The following DOP1A variants were observed in gnomAD, a reference collection of about 807,000 sequenced individuals.
DOP1A encodes DOP1 leucine zipper like protein A.
Under a neutral mutation model 267.6 loss-of-function variants are expected in DOP1A, and 90 were observed. The ratio of observed to expected loss-of-function variants is 0.34; its 90% CI spans 0.28 to 0.40. DOP1A has a LOEUF of 0.40. Among genes scored for constraint, DOP1A ranks in the 10% least tolerant of loss-of-function variants. The pLI is 1.00. For synonymous variants in DOP1A, 932 were observed against 999.1 expected (o/e 0.93, Z 1.27); for missense variants, 2,437 against 2,900.4 (o/e 0.84, Z 3.67).
chr6:83,110,426 C>T (rs1040200165), intron 6 of DOP1A, 112 bp downstream of exon 6: 16 of 1,097,406 alleles, frequency 1.5e-5, no homozygotes, highest in Non-Finnish European at 2.5e-6. Context: ...TTTCATCGAG[C>T]TTACATTTAT....
At position 83,122,911 on chromosome 6, in the gene DOP1A, C is replaced by G; in HGVS notation, c.1269C>G (p.Asn423Lys). 1 of 1,570,256 alleles carries G rather than the reference C, an allele frequency of 6.4e-7. No individual in the cohort carries two copies. The highest frequency in any genetic ancestry group is 8.6e-7 in the Non-Finnish European group (1 of 1,161,566). ...CAGCAGAGCTGATTAAAACTGCTAA[C>G]CTTCTCTTTAATTCCTTCGAACCTT... is the stretch of plus-strand genomic sequence containing the variant. ...KKTAELIKTA[N>K]LLFNSFEPYY... Residue 423 changes from asparagine to lysine, a missense_variant, in exon 12 of 39, where the codon AAC becomes AAG. By Grantham distance (94) the Asn-to-Lys change is moderately conservative. This residue lies in a region of DOP1A where 498 missense variants were observed against 513.5 expected (regional missense o/e 0.97). Transcript: ENST00000349129.
chr6:83,123,797 T>A (rs1259519707), intron 12 of DOP1A, among the ~76,000 whole-genome samples: 5 of 152,066 alleles, frequency 3.3e-5, no homozygotes. Context: ...AATGTCTTAA[T>A]AGATTAAAAT....
At chr6:83,071,642 G>A (rs1029111909) in intron 1 of DOP1A, among the ~76,000 whole-genome samples, 6 of 152,060 alleles carry the variant, frequency 3.9e-5, no homozygotes, top group Middle Eastern at 3.2e-3. Flanking sequence ...AATTTTATCT[G>A]TGCAATAATT....
Position 83,078,720 on chromosome 6 carries a change from A to C in DOP1A, c.-147+10941A>C, listed in dbSNP as rs1472873461. On this transcript the variant is annotated intron_variant, in intron 1 of 38. Coordinates refer to ENST00000349129, the MANE Select transcript of DOP1A (RefSeq NM_015018.4). ...GGAAAGTGAGGAGAGGTGTAGTAAC[A>C]GTTTATGGTTTATCAGTATTTTGGA... is the stretch of plus-strand genomic sequence containing the variant. Among the ~76,000 whole-genome samples, 3 of 152,178 alleles carry C rather than the reference A, an allele frequency of 2.0e-5. No individual in the cohort carries two copies. In the East Asian group the frequency reaches 5.8e-4, roughly 29 times the overall value.
chr6:83,163,159 C>CTT (rs1196165247), intron 38 of DOP1A, among the ~76,000 whole-genome samples: 4 of 151,944 alleles, frequency 2.6e-5, no homozygotes, highest in African/African-American at 9.7e-5. Flanking sequence ...AAAAGGAAGG[C>CTT]TTTTGTACAT....
intron 19 of DOP1A, among the ~76,000 whole-genome samples, chr6:83,135,091 A>C (rs1778669149): frequency 6.6e-6 from 1 of 152,100 alleles, no homozygotes; most frequent in Admixed American, 6.6e-5. Context: ...CAAGTGAGGG[A>C]ATAGAGGTCA....
chr6:83,168,462 T>A lies in DOP1A; in HGVS notation c.*295T>A. 4 of 1,049,026 alleles carry A rather than the reference T, an allele frequency of 3.8e-6. No individual in the cohort carries two copies. Among genetic ancestry groups the A allele is most frequent in the Non-Finnish European group, 4.6e-6 (4 of 871,214 alleles). The allele number at this position is 1,049,026 out of a possible 1,614,324, so 65.0% of individuals were successfully genotyped here. A position where few individuals can be genotyped will look rare whatever the true frequency, so the allele number is the denominator to read the frequency against. On this transcript the variant is annotated 3_prime_UTR_variant, in exon 39 of 39. Transcript: ENST00000349129. ...AACCTGCAAAATATACACTACCCATTTTTTTTTTCCATTGGTTTCAGACTT... is the reference window on the plus strand; with the variant it reads ...AACCTGCAAAATATACACTACCCATATTTTTTTTCCATTGGTTTCAGACTT...
Position 83,168,460 on chromosome 6 carries a change from A to AT in DOP1A, c.*303dup, listed in dbSNP as rs916360339. 3.8e-3 allele frequency: 3,502 copies of AT among 924,374 alleles called. No individual in the cohort carries two copies. Among genetic ancestry groups the AT allele is most frequent in the East Asian group, 9.3e-3 (120 of 12,896 alleles). 57.3% of individuals were successfully genotyped at this position (924,374 alleles called of 1,614,324 possible). A position where few individuals can be genotyped will look rare whatever the true frequency, so the allele number is the denominator to read the frequency against. On this transcript the variant is annotated 3_prime_UTR_variant, in exon 39 of 39. Transcript: ENST00000349129. Reference sequence around the variant, plus strand: ...TAAACCTGCAAAATATACACTACCCATTTTTTTTTTCCATTGGTTTCAGAC... The same window carrying AT: ...TAAACCTGCAAAATATACACTACCCATTTTTTTTTTTCCATTGGTTTCAGAC...
rs1777619762 is a variant in DOP1A, at chr6:83,128,960, C to T, written c.1793C>T (p.Ser598Leu). 8.2e-6 allele frequency: 13 copies of T among 1,591,966 alleles called. No homozygotes were observed. The highest frequency in any genetic ancestry group is 1.1e-5 in the Non-Finnish European group (13 of 1,168,052). The change falls in exon 16 of 39, where the codon TCA becomes TTA. Residue 598 changes from serine to leucine, a missense_variant. Transcript: ENST00000349129. ...GAAAATCCACCAAGTAGTCGATCAT[C>T]AGAGAGTGGATTCACTGAGTTTATA... ...DGENPPSSRS[S>L]ESGFTEFIQY...
At position 83,122,044 on chromosome 6, in the gene DOP1A, T is replaced by C; in HGVS notation, c.1214T>C (p.Leu405Ser). Reference sequence around the variant, plus strand: ...CCCTTCAGCAAGGATCATGCTCAGTTAAGCAGGTGGATTATCAAAAAATTA... The same window carrying C: ...CCCTTCAGCAAGGATCATGCTCAGTCAAGCAGGTGGATTATCAAAAAATTA... ...EPPFSKDHAQ[L>S]SSKLRENKKT... is the part of the protein sequence containing the mutation. Residue 405 changes from leucine to serine, a missense_variant, in exon 11 of 39, where the codon TTA (leucine) becomes TCA (serine). By Grantham distance (145) the Leu-to-Ser change is moderately radical. Coordinates refer to ENST00000349129, the MANE Select transcript of DOP1A (RefSeq NM_015018.4). The C allele has an allele frequency of 6.2e-7, 1 of 1,609,920 alleles. No individual in the cohort carries two copies. The highest frequency in any genetic ancestry group is 1.1e-5 in the South Asian group (1 of 90,526).
At chr6:83,103,985 A>G (rs897254263) in intron 4 of DOP1A, among the ~76,000 whole-genome samples, 4 of 152,168 alleles carry the variant, frequency 2.6e-5, no homozygotes, top group Non-Finnish European at 5.9e-5. Context: ...TCTTTGAAGA[A>G]CCAAAAGTTC....
At chr6:83,170,782 C>T (rs1449387762), downstream of DOP1A, 3 of 221,802 alleles carry the variant, frequency 1.4e-5, no homozygotes, top group Admixed American at 1.6e-4. Flanking sequence ...AAGTGGTAGC[C>T]CATTATATAA....
intron 16 of DOP1A, 45 bp from the exon 17 acceptor site, chr6:83,130,078 A>G (rs1360655225): frequency 3.2e-6 from 5 of 1,580,946 alleles, no homozygotes; most frequent in Non-Finnish European, 4.3e-6. Context: ...TGTGTGTGAA[A>G]TGTTTAGTAT....
intron 30 of DOP1A, among the ~76,000 whole-genome samples, chr6:83,152,571 T>A (rs942593388): frequency 1.3e-5 from 2 of 151,970 alleles, no homozygotes; most frequent in Non-Finnish European, 2.9e-5. Flanking sequence ...ATTTAGATAC[T>A]GCTTCCCTTC....
chr6:83,134,210 C>T lies in DOP1A; in HGVS notation c.2793C>T (p.Ala931=). ...AGAAAATAAGGATGGAAGCACATGC[C>T]AAGTTTGCAGTTCTTTGGCATCTAA... ...KDKKIRMEAH[A]KFAVLWHLTR... Residue 931 remains alanine (A), a synonymous_variant, in exon 19 of 39, where the codon GCC becomes GCT. Transcript: ENST00000349129. The T allele has an allele frequency of 6.2e-7, 1 of 1,612,466 alleles. No individual in the cohort carries two copies.
chr6:83,138,050 C>T lies in DOP1A; in HGVS notation c.4008C>T (p.Ser1336=), dbSNP rs1779112836. The change falls in exon 21 of 39, where the codon AGC becomes AGT. Residue 1336 remains serine, a synonymous_variant. Coordinates refer to ENST00000349129, the MANE Select transcript of DOP1A (RefSeq NM_015018.4). ...SDGLDLENWY[S]CGEGDISEIE... Reference sequence around the variant, plus strand: ...GTCTGGATTTAGAGAACTGGTATAGCTGTGGAGAGGGAGACATTTCTGAAA... The same window carrying T: ...GTCTGGATTTAGAGAACTGGTATAGTTGTGGAGAGGGAGACATTTCTGAAA... 44 of 1,612,928 alleles carry T rather than the reference C, an allele frequency of 2.7e-5. No homozygotes were observed. The highest frequency in any genetic ancestry group is 3.6e-5 in the Non-Finnish European group (43 of 1,179,544).
intron 2 of DOP1A, 44 bp downstream of exon 2, chr6:83,096,867 C>T (rs1422860774): frequency 7.8e-7 from 1 of 1,277,620 alleles, no homozygotes; most frequent in Non-Finnish European, 1.1e-6. Context: ...GTAGTAAGAT[C>T]ATATGAACCC....
chr6:83,151,796 A>G (rs1256360591), intron 28 of DOP1A, 87 bp from the exon 29 acceptor site: 13 of 1,454,846 alleles, frequency 8.9e-6, no homozygotes, highest in Non-Finnish European at 1.2e-5. Context: ...ATTGTAAAAT[A>G]TCTATTATCA....
Position 83,137,553 on chromosome 6 carries a change from G to C in DOP1A, c.3511G>C (p.Val1171Leu), listed in dbSNP as rs749480294. The C allele has an allele frequency of 6.2e-7, 1 of 1,613,846 alleles. No individual in the cohort carries two copies. The highest frequency in any genetic ancestry group is 2.2e-5 in the East Asian group (1 of 44,858). Reference sequence around the variant, plus strand: ...TGGCCTCGAAGTGGAATCTGCATCAGTTACATCTCAATTAGAAATTGAAGC... The same window carrying C: ...TGGCCTCGAAGTGGAATCTGCATCACTTACATCTCAATTAGAAATTGAAGC... ...VSGLEVESASVTSQLEIEAMP... is the reference protein window; with the variant it reads ...VSGLEVESASLTSQLEIEAMP... The change falls in exon 21 of 39, where the codon GTT (valine) becomes CTT (leucine). Residue 1171 changes from valine (V) to leucine (L), a missense_variant. Physicochemically the swap from Val to Leu is conservative, Grantham distance 32. This residue lies in a region of DOP1A where 878 missense variants were observed against 992.9 expected (regional missense o/e 0.88). Coordinates refer to ENST00000349129, the MANE Select transcript of DOP1A (RefSeq NM_015018.4).
Sources: gnomAD v4.1 joint callset for allele counts (sites outside exome capture counted in the v4.1 genomes callset) on GRCh38, gnomAD v4.1.1 for gene constraint, gnomAD v4.1.1 regional missense constraint, MANE v1.5 for transcripts, NCBI Gene and HGNC (gene_info 2026-07-23, HGNC 2026-07-21) for gene names.